PDE10A: variants seen among roughly 807,000 people sequenced by gnomAD.
The protein encoded by PDE10A is phosphodiesterase 10A.
Under a neutral mutation model 97.7 loss-of-function variants are expected in PDE10A, and 39 were observed. That is an observed-to-expected ratio of 0.40 (90% CI 0.31 to 0.52). The LOEUF is 0.52. Ranked by LOEUF, PDE10A falls within the 20% of genes least tolerant of loss-of-function variation. PDE10A has a pLI of 0.56. For synonymous variants in PDE10A, 371 were observed against 376.8 expected, an observed-to-expected ratio of 0.98 and a Z score of 0.18; for missense variants, 731 against 1,047.8, an observed-to-expected ratio of 0.70 and a Z score of 4.17.
chr6:165,642,486 G>T (rs998688931), intron 1 of PDE10A, among the ~76,000 whole-genome samples: 1 of 152,162 alleles, frequency 6.6e-6, no homozygotes, highest in Admixed American at 6.5e-5. Flanking sequence ...CAATTGCAGA[G>T]ATTTTAGAGG....
intron 1 of PDE10A, among the ~76,000 whole-genome samples, chr6:165,859,718 A>C (rs1010054954): frequency 2.0e-5 from 3 of 152,164 alleles, no homozygotes; most frequent in Non-Finnish European, 4.4e-5. Context: ...CATATTACAT[A>C]GTATGTATTA....
At chr6:165,515,824 T>C (rs1781771555) in intron 2 of PDE10A, among the ~76,000 whole-genome samples, 1 of 152,102 alleles carries the variant, frequency 6.6e-6, no homozygotes, top group South Asian at 2.1e-4. Context: ...GCCCGGCCTA[T>C]TTTCTTATAT....
At position 165,477,238 on chromosome 6, in the gene PDE10A, G is replaced by A. The variant is rs189777330; in HGVS notation, c.1023+5077C>T. On this transcript the variant is annotated intron_variant, in intron 3 of 21. Coordinates refer to ENST00000539869, the MANE Select transcript of PDE10A (RefSeq NM_001385079.1). Reference sequence around the variant, plus strand: ...TTTGCACTTCCTGTACCATCTGCATGGAAAGCTCCTACCCGGTTCTCAGCA... The same window carrying A: ...TTTGCACTTCCTGTACCATCTGCATAGAAAGCTCCTACCCGGTTCTCAGCA... Among the ~76,000 whole-genome samples, 91 of 152,236 alleles carry A rather than the reference G, an allele frequency of 6.0e-4. 1 individual carries two copies. Among genetic ancestry groups the A allele is most frequent in the African/African-American group, 2.2e-3 (90 of 41,538 alleles).
intron 1 of PDE10A, among the ~76,000 whole-genome samples, chr6:165,716,212 C>T (rs1301392310): frequency 1.3e-5 from 2 of 152,186 alleles, no homozygotes; most frequent in Non-Finnish European, 2.9e-5. Context: ...TCCGAGTCTC[C>T]ACAAAATTCA....
Position 165,626,759 on chromosome 6 carries a change from C to T in PDE10A, c.865+35188G>A, listed in dbSNP as rs73786693. Among the ~76,000 whole-genome samples, 230 of 101,188 alleles carry T rather than the reference C, an allele frequency of 2.3e-3. 3 individuals carry two copies. Among genetic ancestry groups the T allele is most frequent in the African/African-American group, 6.3e-3 (214 of 33,934 alleles). The allele number at this position is 101,188 out of a possible 152,430, so 66.4% of individuals were successfully genotyped here. ...GTGAGAAGGGGAAAGCGAGGTGGGG[C>T]GGCGGGGGGAAGTTGAAGGAGCTGG... On this transcript the variant is annotated intron_variant, in intron 1 of 21. Coordinates refer to ENST00000539869, the MANE Select transcript of PDE10A (RefSeq NM_001385079.1).
At chr6:165,603,812 G>T (rs1364999690) in intron 1 of PDE10A, among the ~76,000 whole-genome samples, 1 of 152,150 alleles carries the variant, frequency 6.6e-6, no homozygotes, top group African/African-American at 2.4e-5. Flanking sequence ...ACAAAAAATT[G>T]GCACTAACTT....
intron 1 of PDE10A, among the ~76,000 whole-genome samples, chr6:165,855,280 G>A (rs1780696326): frequency 6.9e-6 from 1 of 145,388 alleles, no homozygotes. Flanking sequence ...CCTTCGAGGG[G>A]ACTCATAGGC....
At chr6:165,610,177 C>A (rs972923047) in intron 1 of PDE10A, among the ~76,000 whole-genome samples, 1 of 152,152 alleles carries the variant, frequency 6.6e-6, no homozygotes, top group African/African-American at 2.4e-5. Context: ...ACCAATGGAA[C>A]AGAACAGAGC....
intron 1 of PDE10A, among the ~76,000 whole-genome samples, chr6:165,968,552 C>A (rs548649133): frequency 6.6e-6 from 1 of 152,140 alleles, no homozygotes; most frequent in Admixed American, 6.5e-5. Flanking sequence ...AAAATTTTCA[C>A]CATGTGAGGC....
At chr6:165,822,294 AGC>A (rs1287472173) in intron 1 of PDE10A, among the ~76,000 whole-genome samples, 2 of 141,848 alleles carry the variant, frequency 1.4e-5, no homozygotes, top group East Asian at 4.3e-4. Context: ...TGGATGGCAC[AGC>A]CCAACACACA....
chr6:165,839,853 A>AAC (rs1780178262), intron 1 of PDE10A, among the ~76,000 whole-genome samples: 1 of 40,006 alleles, frequency 2.5e-5, no homozygotes, highest in Non-Finnish European at 5.1e-5. Flanking sequence ...TATCATCTCC[A>AAC]TCCCTGTCTC....
At chr6:165,352,292 C>A (rs1451035237) in intron 18 of PDE10A, among the ~76,000 whole-genome samples, 3 of 152,132 alleles carry the variant, frequency 2.0e-5, no homozygotes, top group African/African-American at 7.2e-5. Context: ...GGATGCCTGG[C>A]TCTATACATT....
chr6:165,759,902 T>C (rs1209580783), intron 1 of PDE10A, among the ~76,000 whole-genome samples: 2 of 152,242 alleles, frequency 1.3e-5, no homozygotes, highest in Non-Finnish European at 2.9e-5. Context: ...GAGTGAGCTC[T>C]AAAACTTGTC....
At chr6:165,961,353 A>G (rs986786931) in intron 1 of PDE10A, among the ~76,000 whole-genome samples, 1 of 152,194 alleles carries the variant, frequency 6.6e-6, no homozygotes, top group African/African-American at 2.4e-5. Flanking sequence ...GAGTGGGATA[A>G]TGCTTCCTAC....
chr6:165,901,254 G>A (rs1782097565), intron 1 of PDE10A, among the ~76,000 whole-genome samples: 1 of 152,118 alleles, frequency 6.6e-6, no homozygotes, highest in Non-Finnish European at 1.5e-5. Flanking sequence ...CTAAACAAAT[G>A]AACCTCCACA....
intron 1 of PDE10A, among the ~76,000 whole-genome samples, chr6:165,904,699 A>G (rs1782215439): frequency 6.6e-6 from 1 of 152,232 alleles, no homozygotes; most frequent in African/African-American, 2.4e-5. Context: ...TTTATATTTC[A>G]CATTTCTCTG....
At chr6:165,847,484 C>A (rs1780451868) in intron 1 of PDE10A, among the ~76,000 whole-genome samples, 1 of 152,232 alleles carries the variant, frequency 6.6e-6, no homozygotes, top group Admixed American at 6.5e-5. Context: ...CGCGTGACAG[C>A]GATCTACAAG....
At chr6:165,885,961 T>C (rs917103115) in intron 1 of PDE10A, among the ~76,000 whole-genome samples, 1 of 152,228 alleles carries the variant, frequency 6.6e-6, no homozygotes, top group Non-Finnish European at 1.5e-5. Context: ...CTTATATAAC[T>C]TTAGACGTCT....
Position 165,450,345 on chromosome 6 carries a change from C to T in PDE10A, c.1041G>A (p.Met347Ile), listed in dbSNP as rs1436344125. 1.3e-6 allele frequency: 2 copies of T among 1,543,976 alleles called. No homozygotes were observed. Among genetic ancestry groups the T allele is most frequent in the Non-Finnish European group, 1.8e-6 (2 of 1,128,072 alleles). Reference sequence around the variant, plus strand: ...TGTTTAGTTCATATACAACTCCCTGCATATTCGTATCTTGGTACTTTGGAT... The same window carrying T: ...TGTTTAGTTCATATACAACTCCCTGTATATTCGTATCTTGGTACTTTGGAT... ...KEVSRYQDTN[M>I]QGVVYELNSY... The change falls in exon 4 of 22, where the codon ATG (methionine) becomes ATA (isoleucine). Residue 347 changes from methionine (M) to isoleucine (I), a missense_variant. By Grantham distance (10) the Met-to-Ile change is conservative. Coordinates refer to ENST00000539869, the MANE Select transcript of PDE10A (RefSeq NM_001385079.1).
Sources: gnomAD v4.1 joint callset for allele counts (sites outside exome capture counted in the v4.1 genomes callset) on GRCh38, gnomAD v4.1.1 for gene constraint, MANE v1.5 for transcripts, NCBI Gene and HGNC (gene_info 2026-07-23, HGNC 2026-07-21) for gene names.